CRLF2: variants seen among roughly 807,000 people sequenced by gnomAD.
CRLF2 encodes the protein cytokine receptor-like factor 2.
In CRLF2, 41 loss-of-function variants were observed where a neutral mutation model predicts 38.7. That is an observed-to-expected ratio of 1.06 (90% CI 0.83 to 1.37). The LOEUF (loss-of-function observed/expected upper bound fraction) is 1.37. CRLF2 is among the 40% of genes most tolerant of loss of function. The pLI, the probability that CRLF2 is intolerant of heterozygous loss-of-function variation, is 0.00. For synonymous variants in CRLF2, 140 were observed against 128.8 expected, an observed-to-expected ratio of 1.09 and a Z score of -0.59; for missense variants, 377 against 322.2, an observed-to-expected ratio of 1.17 and a Z score of -1.30.
chrX:1,200,343 G>A (rs2086580588), intron 4 of CRLF2, among the ~76,000 whole-genome samples: 1 of 150,152 alleles, frequency 6.7e-6, no homozygotes, highest in African/African-American at 2.5e-5. Context: ...GTGTATATAA[G>A]ATGTGTATGT....
intron 7 of CRLF2, among the ~76,000 whole-genome samples, chrX:1,192,215 A>C (rs1363514301): frequency 5.1e-5 from 7 of 138,236 alleles, no homozygotes; most frequent in African/African-American, 5.1e-5. Context: ...AAAAAAAAAA[A>C]AAAAACAAAA....
intron 7 of CRLF2, among the ~76,000 whole-genome samples, chrX:1,192,641 TTTTC>T (rs1408713968): frequency 6.6e-6 from 1 of 151,326 alleles, no homozygotes; most frequent in African/African-American, 2.4e-5. Context: ...TCTTTCTTCC[TTTTC>T]TTTTTTTCTT....
Position 1,198,678 on chromosome X carries a change from G to T in CRLF2, c.530C>A (p.Ala177Asp), listed in dbSNP as rs756423580. Residue 177 changes from alanine (A) to aspartate (D), a missense_variant, in exon 5 of 8, where the codon GCC becomes GAC. Ala to Asp is a moderately radical substitution (Grantham distance 126). Transcript: ENST00000400841. ...GACCCAGAAAGAGTAACACTTCTCG[G>T]CATCCAAGCCTTCTATGGTGACGTT... is the stretch of plus-strand genomic sequence containing the variant. ...TCNVTIEGLD[A>D]EKCYSFWVRV... 1 of 1,612,514 alleles carries T rather than the reference G, an allele frequency of 6.2e-7. No homozygotes were observed. The highest frequency in any genetic ancestry group is 1.1e-5 in the South Asian group (1 of 91,034).
chrX:1,212,527 C>A (rs1309186594), intron 1 of CRLF2, 29 bp downstream of exon 1: 49 of 1,567,682 alleles, frequency 3.1e-5, no homozygotes, highest in Non-Finnish European at 3.9e-5. Flanking sequence ...AACCAAAATA[C>A]AACAAGAAGA....
intron 7 of CRLF2, among the ~76,000 whole-genome samples, 166 bp from the exon 8 acceptor site, chrX:1,191,326 TTTC>T (rs2086372578): frequency 8.4e-6 from 1 of 119,262 alleles, no homozygotes; most frequent in African/African-American, 3.1e-5. Flanking sequence ...TCTTTCTTTC[TTTC>T]TTTCTTTCTT....
At chrX:1,196,249 G>A (rs75602255) in intron 6 of CRLF2, among the ~76,000 whole-genome samples, 5 of 145,674 alleles carry the variant, frequency 3.4e-5, no homozygotes, top group African/African-American at 5.1e-5. Flanking sequence ...GTGCAGTGGC[G>A]CAATCTCCGC....
chrX:1,204,019 G>T (rs367848937), intron 3 of CRLF2, among the ~76,000 whole-genome samples: 1 of 150,768 alleles, frequency 6.6e-6, no homozygotes, highest in African/African-American at 2.4e-5. Flanking sequence ...TTCCTCGCCC[G>T]AGACTTAACA....
intron 3 of CRLF2, among the ~76,000 whole-genome samples, 171 bp from the exon 4 acceptor site, chrX:1,202,706 G>A (rs377624122): frequency 7.2e-5 from 11 of 152,108 alleles, no homozygotes; most frequent in Admixed American, 6.6e-5. Flanking sequence ...CCAGAGCTCC[G>A]AGAACCTGTA....
At chrX:1,208,619 G>C (rs770293317) in intron 2 of CRLF2, among the ~76,000 whole-genome samples, 187 bp downstream of exon 2, 1 of 152,176 alleles carries the variant, frequency 6.6e-6, no homozygotes, top group Non-Finnish European at 1.5e-5. Context: ...GCCATCCCTT[G>C]GCAAGAAGGT....
At chrX:1,198,930 C>T (rs1172517616) in intron 4 of CRLF2, 1 of 603,112 alleles carries the variant, frequency 1.7e-6, no homozygotes, top group African/African-American at 1.8e-5. Flanking sequence ...GGGTGGATCA[C>T]CTGAGGTCGC....
chrX:1,205,552 G>C (rs1362612487), intron 3 of CRLF2, among the ~76,000 whole-genome samples: 1 of 152,050 alleles, frequency 6.6e-6, no homozygotes, highest in African/African-American at 2.4e-5. Context: ...ATGGTAATAA[G>C]CTGAAGGAAA....
chrX:1,196,476 G>A (rs28569050), intron 6 of CRLF2, among the ~76,000 whole-genome samples: 7,537 of 151,500 alleles, frequency 0.05, 617 homozygotes, highest in African/African-American at 0.17. Flanking sequence ...GTGAACCACC[G>A]TGCCTGACCC....
At chrX:1,204,090 A>AG (rs2086652632) in intron 3 of CRLF2, among the ~76,000 whole-genome samples, 7 of 108,948 alleles carry the variant, frequency 6.4e-5, no homozygotes, top group African/African-American at 2.1e-4. Context: ...CCTCTCTCTC[A>AG]AAAAAAAGAG....
chrX:1,211,365 A>G (rs867512336), intron 1 of CRLF2, among the ~76,000 whole-genome samples: 21 of 126,878 alleles, frequency 1.7e-4, no homozygotes, highest in African/African-American at 2.4e-4. Context: ...GGGTGGATGG[A>G]TGGATGGATG....
intron 4 of CRLF2, among the ~76,000 whole-genome samples, chrX:1,201,973 T>C (rs1346507237): frequency 2.2e-5 from 3 of 137,752 alleles, no homozygotes; most frequent in Admixed American, 7.9e-5. Context: ...AAATAGATGA[T>C]AGATTGAAAG....
chrX:1,201,959 G>T (rs1205808639), intron 4 of CRLF2, among the ~76,000 whole-genome samples: 2 of 149,780 alleles, frequency 1.3e-5, no homozygotes, highest in African/African-American at 4.9e-5. Context: ...AGAGTTAATA[G>T]ATAAAATAGA....
Position 1,193,258 on chromosome X carries a change from A to G in CRLF2, c.812T>C (p.Ile271Thr), listed in dbSNP as rs1258794541. The change falls in exon 7 of 8, where the codon ATC becomes ACC. Residue 271 changes from isoleucine to threonine, a missense_variant. Physicochemically the swap from Ile to Thr is moderately conservative, Grantham distance 89. Transcript: ENST00000400841. ...GTGTATCTCAAAGAGCCCGGGGAAG[A>G]TGGATTTCGGGTCTGGCACGCTGGG... ...LIPSVPDPKS[I>T]FPGLFEIHQG... is the part of the protein sequence containing the mutation. 1 of 398,452 alleles carries G rather than the reference A, an allele frequency of 2.5e-6. No individual in the cohort carries two copies. Among genetic ancestry groups the G allele is most frequent in the African/African-American group, 2.1e-5 (1 of 48,578 alleles). The allele number at this position is 398,452 out of a possible 1,614,324, so 24.7% of individuals were successfully genotyped here. A position where few individuals can be genotyped will look rare whatever the true frequency, so the allele number is the denominator to read the frequency against.
intron 6 of CRLF2, among the ~76,000 whole-genome samples, chrX:1,195,887 A>G (rs2086465462): frequency 7.1e-6 from 1 of 140,150 alleles, no homozygotes; most frequent in Non-Finnish European, 1.5e-5. Flanking sequence ...TATTTTATAT[A>G]GATTAAATTA....
chrX:1,211,228 C>G (rs746757784), intron 1 of CRLF2, among the ~76,000 whole-genome samples: 12 of 106,124 alleles, frequency 1.1e-4, no homozygotes, highest in South Asian at 6.3e-4. Flanking sequence ...TAGATGTGTA[C>G]ATGGATGGGT....
Sources: allele counts gnomAD v4.1 joint callset (sites outside exome capture counted in the v4.1 genomes callset), GRCh38; gene constraint gnomAD v4.1.1; transcripts MANE v1.5; gene names NCBI Gene and HGNC (gene_info 2026-07-23, HGNC 2026-07-21).